Variants in RUNDC3B observed in about 807,000 individuals in gnomAD.
The protein encoded by RUNDC3B is RUN domain-containing protein 3B.
RUNDC3B carries 33 observed loss-of-function variants against 58.4 expected under a neutral mutation model. That is an observed-to-expected ratio of 0.56 (90% CI 0.43 to 0.75). The LOEUF is 0.75. Among genes scored for constraint, RUNDC3B ranks in the 30% least tolerant of loss-of-function variants. RUNDC3B has a pLI of 0.00. For synonymous variants in RUNDC3B, 193 were observed against 195.2 expected (o/e 0.99, Z 0.10); for missense variants, 501 against 535.7 (o/e 0.94, Z 0.64).
At chr7:87,642,794 A>G (rs1244071014) in intron 1 of RUNDC3B, among the ~76,000 whole-genome samples, 1 of 152,186 alleles carries the variant, frequency 6.6e-6, no homozygotes, top group Non-Finnish European at 1.5e-5. Context: ...GCAATACAAG[A>G]TGTTAATAAT....
At chr7:87,777,348 TA>T (rs1834693006) in intron 7 of RUNDC3B, among the ~76,000 whole-genome samples, 1 of 152,218 alleles carries the variant, frequency 6.6e-6, no homozygotes, top group Non-Finnish European at 1.5e-5. Context: ...TGATAAGTGG[TA>T]AAACTGGAAT....
At chr7:87,822,342 C>T (rs1837515446) in intron 10 of RUNDC3B, among the ~76,000 whole-genome samples, 2 of 152,166 alleles carry the variant, frequency 1.3e-5, no homozygotes, top group South Asian at 2.1e-4. Flanking sequence ...AATGAGATAC[C>T]GTCTCACACC....
chr7:87,650,818 A>T lies in RUNDC3B; in HGVS notation c.123-4A>T. On this transcript the variant is annotated splice_region_variant and splice_polypyrimidine_tract_variant and intron_variant, in intron 1 of 10. Transcript: ENST00000394654. ...TAAAAGCAACAATAATCTTTTTTTC[A>T]TAGGTTTTCTGTGAAGACCCTGATT... is the stretch of plus-strand genomic sequence containing the variant. 1 of 1,568,476 alleles carries T rather than the reference A, an allele frequency of 6.4e-7. No homozygotes were observed.
intron 8 of RUNDC3B, among the ~76,000 whole-genome samples, chr7:87,789,932 C>T (rs1835433189): frequency 6.6e-6 from 1 of 152,130 alleles, no homozygotes; most frequent in Non-Finnish European, 1.5e-5. Flanking sequence ...ATCTCTGGAC[C>T]CACCCAGGGC....
chr7:87,675,645 T>C (rs1230662931), intron 2 of RUNDC3B, among the ~76,000 whole-genome samples: 1 of 95,978 alleles, frequency 1.0e-5, no homozygotes, highest in Non-Finnish European at 2.0e-5. Flanking sequence ...AAACTGAATA[T>C]TCACATGCAA....
intron 6 of RUNDC3B, among the ~76,000 whole-genome samples, chr7:87,759,071 T>G (rs956003108): frequency 6.6e-6 from 1 of 152,200 alleles, no homozygotes; most frequent in African/African-American, 2.4e-5. Context: ...AGCTAAGATG[T>G]GGGATCATAC....
At chr7:87,819,467 A>G (rs1837282180) in intron 10 of RUNDC3B, among the ~76,000 whole-genome samples, 1 of 152,182 alleles carries the variant, frequency 6.6e-6, no homozygotes, top group South Asian at 2.1e-4. Flanking sequence ...TATCAACATT[A>G]GACAGATCAA....
intron 2 of RUNDC3B, among the ~76,000 whole-genome samples, chr7:87,652,957 A>G (rs1164264428): frequency 2.0e-5 from 3 of 152,030 alleles, no homozygotes; most frequent in Non-Finnish European, 4.4e-5. Flanking sequence ...TGTTTTCAAC[A>G]TTAAACTTTT....
intron 1 of RUNDC3B, among the ~76,000 whole-genome samples, chr7:87,639,925 TTGTA>T (rs1435425732): frequency 1.6e-4 from 25 of 151,738 alleles, no homozygotes; most frequent in African/African-American, 6.0e-4. Flanking sequence ...TTACTGTTCA[TTGTA>T]TGTTTGCTTT....
At chr7:87,706,308 T>C (rs1045263005) in intron 3 of RUNDC3B, among the ~76,000 whole-genome samples, 3 of 152,114 alleles carry the variant, frequency 2.0e-5, no homozygotes, top group Admixed American at 1.3e-4. Context: ...AGTGATAGAA[T>C]ACTGTAATCT....
chr7:87,719,857 A>G (rs914565001), intron 4 of RUNDC3B, among the ~76,000 whole-genome samples: 30 of 151,824 alleles, frequency 2.0e-4, no homozygotes, highest in Middle Eastern at 3.4e-3. Context: ...ACTTTTTTAA[A>G]GAAATCAAAA....
At chr7:87,727,479 T>C (rs1028038112) in intron 4 of RUNDC3B, among the ~76,000 whole-genome samples, 11 of 152,174 alleles carry the variant, frequency 7.2e-5, no homozygotes, top group Admixed American at 2.6e-4. Flanking sequence ...TTAATGTTTG[T>C]ATCAATGTTA....
At chr7:87,709,195 A>T in intron 3 of RUNDC3B, 1 of 964,936 alleles carries the variant, frequency 1.0e-6, no homozygotes, top group Non-Finnish European at 1.2e-6. Flanking sequence ...GAAATTAATA[A>T]ATCAGGAAGC....
chr7:87,713,525 G>A (rs1583973231), intron 4 of RUNDC3B, among the ~76,000 whole-genome samples: 1 of 151,908 alleles, frequency 6.6e-6, no homozygotes, highest in East Asian at 1.9e-4. Context: ...TTAATGAGCA[G>A]TTGAAAAAAC....
intron 3 of RUNDC3B, among the ~76,000 whole-genome samples, chr7:87,706,912 A>G (rs969764860): frequency 6.6e-6 from 1 of 152,358 alleles, no homozygotes; most frequent in East Asian, 1.9e-4. Context: ...ATGATTTCAC[A>G]GTCTAGTTCT....
chr7:87,694,082 T>G lies in RUNDC3B; in HGVS notation c.239-6339T>G, dbSNP rs185159394. On this transcript the variant is annotated intron_variant, in intron 2 of 10. Coordinates refer to ENST00000394654, the MANE Select transcript of RUNDC3B (RefSeq NM_001134405.2). ...ACATTGCATGGGTTTTGTAAAGCCT[T>G]CTTTTTTGTGTGTTTTTGTTTTTTT... 5.3e-6 allele frequency: 8 copies of G among 1,516,614 alleles called. No individual in the cohort carries two copies. In the Admixed American group the frequency reaches 1.5e-4, roughly 28 times the overall value. The allele number at this position is 1,516,614 out of a possible 1,614,324, so 93.9% of individuals were successfully genotyped here. A position where few individuals can be genotyped will look rare whatever the true frequency, so the allele number is the denominator to read the frequency against.
chr7:87,792,954 C>A (rs1835606771), intron 8 of RUNDC3B, among the ~76,000 whole-genome samples: 1 of 151,622 alleles, frequency 6.6e-6, no homozygotes, highest in Non-Finnish European at 1.5e-5. Flanking sequence ...CCTTGCCGGA[C>A]TAATGAAGAA....
chr7:87,808,883 C>A (rs1030489490), intron 9 of RUNDC3B, among the ~76,000 whole-genome samples: 3 of 152,006 alleles, frequency 2.0e-5, no homozygotes, highest in African/African-American at 7.2e-5. Flanking sequence ...ATATATGACA[C>A]ATAAGATGCT....
intron 6 of RUNDC3B, among the ~76,000 whole-genome samples, chr7:87,746,758 C>A (rs1245653725): frequency 6.6e-6 from 1 of 152,112 alleles, no homozygotes; most frequent in Non-Finnish European, 1.5e-5. Context: ...GAGTTCTTAT[C>A]CATTGTGCAG....
Sources: gnomAD v4.1 joint callset for allele counts (sites outside exome capture counted in the v4.1 genomes callset) on GRCh38, gnomAD v4.1.1 for gene constraint, MANE v1.5 for transcripts, NCBI Gene and HGNC (gene_info 2026-07-23, HGNC 2026-07-21) for gene names.